The following LARS2 variants were observed in gnomAD, a reference collection of about 807,000 sequenced individuals.
LARS2 encodes leucyl-tRNA synthetase 2, mitochondrial, also known as leucine--tRNA ligase, mitochondrial.
Under a neutral mutation model 116.6 loss-of-function variants are expected in LARS2, and 81 were observed. The observed-to-expected ratio is 0.69, with a 90% CI of 0.58 to 0.84. LARS2 has a LOEUF of 0.84. LARS2 is among the 40% of genes least tolerant of loss of function. The pLI, the probability that LARS2 is intolerant of heterozygous loss-of-function variation, is 0.00. For synonymous variants in LARS2, 396 were observed against 407.2 expected (o/e 0.97, Z 0.33); for missense variants, 968 against 1,114.5 (o/e 0.87, Z 1.87).
At chr3:45,445,684 T>C (rs1533390) in intron 6 of LARS2, among the ~76,000 whole-genome samples, 138,229 of 152,172 alleles carry the variant, frequency 0.91, 64,260 homozygotes, top group East Asian at 1. Flanking sequence ...GTTATTTTCC[T>C]TTTAAAAGAA....
intron 21 of LARS2, among the ~76,000 whole-genome samples, chr3:45,545,465 G>A (rs1043937244): frequency 6.6e-6 from 1 of 152,238 alleles, no homozygotes; most frequent in Non-Finnish European, 1.5e-5. Flanking sequence ...CTCAGGCTCA[G>A]TGTTGAGTCC....
chr3:45,540,035 A>G (rs2125770495), intron 20 of LARS2, among the ~76,000 whole-genome samples: 1 of 152,280 alleles, frequency 6.6e-6, no homozygotes, highest in East Asian at 1.9e-4. Context: ...CTTCGGGTGC[A>G]TCACCTGAGA....
chr3:45,503,968 TA>T (rs1218636642), intron 15 of LARS2, among the ~76,000 whole-genome samples: 3 of 152,096 alleles, frequency 2.0e-5, no homozygotes, highest in Non-Finnish European at 4.4e-5. Flanking sequence ...CGTGTGTTTT[TA>T]TTGATATAGT....
chr3:45,454,986 C>A (rs779077647), intron 7 of LARS2, among the ~76,000 whole-genome samples: 14 of 152,170 alleles, frequency 9.2e-5, no homozygotes, highest in Non-Finnish European at 1.6e-4. Context: ...AACTCTGTGG[C>A]TGAGGTGGAT....
At chr3:45,494,596 C>T (rs1699977194) in intron 13 of LARS2, among the ~76,000 whole-genome samples, 1 of 152,222 alleles carries the variant, frequency 6.6e-6, no homozygotes, top group Non-Finnish European at 1.5e-5. Context: ...TCCTACCCAT[C>T]AGACAGAAGG....
intron 15 of LARS2, among the ~76,000 whole-genome samples, chr3:45,502,679 G>A (rs1278030056): frequency 6.6e-6 from 1 of 152,098 alleles, no homozygotes; most frequent in Non-Finnish European, 1.5e-5. Flanking sequence ...CCGAAGTGCT[G>A]GGATTACAGG....
chr3:45,394,832 T>C (rs1698016992), intron 3 of LARS2, 145 bp downstream of exon 3: 2 of 632,454 alleles, frequency 3.2e-6, no homozygotes, highest in African/African-American at 1.8e-5. Flanking sequence ...AATTCTCTTA[T>C]CTGAGATGGA....
At chr3:45,484,568 C>T (rs1699760330) in intron 10 of LARS2, among the ~76,000 whole-genome samples, 1 of 121,560 alleles carries the variant, frequency 8.2e-6, no homozygotes, top group Non-Finnish European at 1.6e-5. Flanking sequence ...GAATTTTAGA[C>T]CAGCCTGGGT....
chr3:45,460,281 CA>C (rs887315782), intron 8 of LARS2, among the ~76,000 whole-genome samples: 4 of 152,194 alleles, frequency 2.6e-5, no homozygotes, highest in Admixed American at 2.6e-4. Context: ...ATGTGAAGAA[CA>C]AAGCTGAGGA....
At chr3:45,419,924 CTG>C in intron 6 of LARS2, among the ~76,000 whole-genome samples, 195 bp downstream of exon 6, 1 of 152,278 alleles carries the variant, frequency 6.6e-6, no homozygotes, top group East Asian at 1.9e-4. Context: ...TGGGATTAAA[CTG>C]AGAGTTAACT....
intron 6 of LARS2, among the ~76,000 whole-genome samples, chr3:45,436,533 G>A (rs954428034): frequency 2.0e-5 from 3 of 151,970 alleles, no homozygotes; most frequent in Non-Finnish European, 2.9e-5. Context: ...GGTGGCTCAC[G>A]CCTGTAATCC....
intron 7 of LARS2, among the ~76,000 whole-genome samples, chr3:45,456,796 T>A (rs1031589586): frequency 6.6e-6 from 1 of 152,210 alleles, no homozygotes; most frequent in African/African-American, 2.4e-5. Context: ...CACCCAACTC[T>A]AGACTTCACA....
At chr3:45,468,938 C>G (rs1347903365) in intron 8 of LARS2, among the ~76,000 whole-genome samples, 1 of 152,192 alleles carries the variant, frequency 6.6e-6, no homozygotes, top group East Asian at 1.9e-4. Flanking sequence ...TTATTGGAAG[C>G]TATTCTATAA....
rs748611093 is a variant in LARS2, at chr3:45,491,366, C to A, written c.1240-151C>A. On this transcript the variant is annotated intron_variant, in intron 12 of 21. Coordinates refer to ENST00000645846, the MANE Select transcript of LARS2 (RefSeq NM_015340.4). ...AGCAAGGAGCCTACAAAGGCAGAAG[C>A]ACCTAGGGCTCATGAAAGTTATGAC... The A allele has an allele frequency of 9.2e-5, 63 of 684,266 alleles. No homozygotes were observed. The Middle Eastern group carries it at 1.3e-3, about 14-fold the overall frequency. 42.4% of individuals were successfully genotyped at this position (684,266 alleles called of 1,614,324 possible).
intron 8 of LARS2, among the ~76,000 whole-genome samples, chr3:45,469,449 G>A (rs1158558474): frequency 2.0e-5 from 3 of 152,046 alleles, no homozygotes; most frequent in Non-Finnish European, 4.4e-5. Flanking sequence ...GGGTTCAAGC[G>A]ATTCTCCTGC....
chr3:45,439,857 A>G (rs181878068), intron 6 of LARS2, among the ~76,000 whole-genome samples: 1 of 152,322 alleles, frequency 6.6e-6, no homozygotes, highest in African/African-American at 2.4e-5. Context: ...GTAAAGACAT[A>G]AAGGCAGGAC....
At chr3:45,423,395 C>A (rs528067312) in intron 6 of LARS2, among the ~76,000 whole-genome samples, 1 of 152,212 alleles carries the variant, frequency 6.6e-6, no homozygotes, top group Non-Finnish European at 1.5e-5. Context: ...TCATTGTAAC[C>A]TCTGCCTCCC....
chr3:45,389,666 T>C (rs529744891), intron 1 of LARS2, among the ~76,000 whole-genome samples: 35 of 152,352 alleles, frequency 2.3e-4, no homozygotes, highest in Admixed American at 9.1e-4. Context: ...AAGAGTCTTC[T>C]TATCTTAGAA....
chr3:45,423,232 A>T (rs2125689952), intron 6 of LARS2, among the ~76,000 whole-genome samples: 1 of 152,258 alleles, frequency 6.6e-6, no homozygotes, highest in East Asian at 1.9e-4. Context: ...CCATTTTCTA[A>T]ATCTATTTTC....
Sources: allele counts gnomAD v4.1 joint callset (sites outside exome capture counted in the v4.1 genomes callset), GRCh38; gene constraint gnomAD v4.1.1; transcripts MANE v1.5; gene names NCBI Gene and HGNC (gene_info 2026-07-23, HGNC 2026-07-21).